ARHGEF28: variants seen among roughly 807,000 people sequenced by gnomAD.
The protein encoded by ARHGEF28 is 190 kDa guanine nucleotide exchange factor.
ARHGEF28 carries 152 observed loss-of-function variants against 206.6 expected under a neutral mutation model. The observed-to-expected ratio is 0.74, with a 90% confidence interval of 0.64 to 0.84. The LOEUF (loss-of-function observed/expected upper bound fraction) is 0.84, where lower values mean the gene tolerates loss of function less well. Ranked by LOEUF, ARHGEF28 falls within the 40% of genes least tolerant of loss-of-function variation. The pLI is 0.00. For synonymous variants in ARHGEF28, 763 were observed against 776.4 expected, an observed-to-expected ratio of 0.98 and a Z score of 0.29; for missense variants, 2,028 against 2,073.2, an observed-to-expected ratio of 0.98 and a Z score of 0.42.
chr5:73,645,174 G>A (rs1744354066), intron 1 of ARHGEF28, among the ~76,000 whole-genome samples: 1 of 151,326 alleles, frequency 6.6e-6, no homozygotes, highest in Non-Finnish European at 1.5e-5. Context: ...TTATTAAGTT[G>A]TTTGTTTGTT....
At chr5:73,869,787 A>G (rs1022036836) in intron 20 of ARHGEF28, among the ~76,000 whole-genome samples, 1 of 152,138 alleles carries the variant, frequency 6.6e-6, no homozygotes, top group South Asian at 2.1e-4. Context: ...ACATGCCTGT[A>G]ATTCTTGCTA....
chr5:73,882,359 ATATT>A lies in ARHGEF28; in HGVS notation c.2815-107_2815-104del, dbSNP rs137981001. 0.014 allele frequency: 10,586 copies of A among 772,814 alleles called. 687 individuals carry two copies. The African/African-American group carries it at 0.16, about 12-fold the overall frequency. 47.9% of individuals were successfully genotyped at this position (772,814 alleles called of 1,614,324 possible). On this transcript the variant is annotated intron_variant, in intron 22 of 35. Coordinates refer to ENST00000513042, the MANE Select transcript of ARHGEF28 (RefSeq NM_001177693.2). ...AGTGATTGTGTTCAGAAATTCCATG[ATATT>A]TATTTTTTATTTGCAAATACTATTT...
Position 73,873,382 on chromosome 5 carries a change from C to T in ARHGEF28, c.2814+136C>T, listed in dbSNP as rs983545481. 2.5e-5 allele frequency: 30 copies of T among 1,211,778 alleles called. No individual in the cohort carries two copies. In the East Asian group the frequency reaches 3.1e-4, roughly 12 times the overall value. The allele number at this position is 1,211,778 out of a possible 1,614,324, so 75.1% of individuals were successfully genotyped here. A position where few individuals can be genotyped will look rare whatever the true frequency, so the allele number is the denominator to read the frequency against. ...GACATTCTGAGGATGTGTTTACCAT[C>T]GTTAGATTGTAACTCCCAGTAAGGC... On this transcript the variant is annotated intron_variant, in intron 22 of 35. Transcript: ENST00000513042.
rs372106317 is a variant in ARHGEF28, at chr5:73,721,012, G to C, written c.34-28825G>C. Among the ~76,000 whole-genome samples, 36 of 152,308 alleles carry C rather than the reference G, an allele frequency of 2.4e-4. No homozygotes were observed. The South Asian group carries it at 6.2e-3, about 26-fold the overall frequency. On this transcript the variant is annotated intron_variant, in intron 2 of 35. Coordinates refer to ENST00000513042, the MANE Select transcript of ARHGEF28 (RefSeq NM_001177693.2). ...TTCAAGCTCATTCCATTCATCATTA[G>C]TTTTAAAATAGAGGTTAGAGAATTT...
intron 1 of ARHGEF28, among the ~76,000 whole-genome samples, chr5:73,658,654 C>T (rs1745382878): frequency 1.3e-5 from 2 of 152,124 alleles, no homozygotes; most frequent in South Asian, 4.1e-4. Flanking sequence ...GAAAGCACCA[C>T]TGTGGTTCTT....
chr5:73,754,863 T>C (rs1752214339), intron 4 of ARHGEF28, among the ~76,000 whole-genome samples: 1 of 150,524 alleles, frequency 6.6e-6, no homozygotes, highest in Non-Finnish European at 1.5e-5. Flanking sequence ...GCCTGGCTAA[T>C]TAAAATTTTT....
chr5:73,728,562 C>T (rs73762181), intron 2 of ARHGEF28, among the ~76,000 whole-genome samples: 2,707 of 152,266 alleles, frequency 0.018, 74 homozygotes, highest in African/African-American at 0.061. Flanking sequence ...TAAGACAAGT[C>T]GAAAGGTTAA....
intron 17 of ARHGEF28, 32 bp downstream of exon 17, chr5:73,864,904 T>G: frequency 6.3e-7 from 1 of 1,590,910 alleles, no homozygotes. Flanking sequence ...AATATATATG[T>G]GGCATGGTTG....
chr5:73,858,519 A>G (rs888744751), intron 16 of ARHGEF28, among the ~76,000 whole-genome samples: 5 of 152,182 alleles, frequency 3.3e-5, no homozygotes, highest in Admixed American at 6.5e-5. Flanking sequence ...CTTTAATGGC[A>G]ACTTGATCAT....
At chr5:73,890,704 G>C (rs1761571401) in intron 26 of ARHGEF28, among the ~76,000 whole-genome samples, 1 of 152,236 alleles carries the variant, frequency 6.6e-6, no homozygotes, top group Non-Finnish European at 1.5e-5. Flanking sequence ...CAGCACCAAG[G>C]AGTCAGCAGT....
intron 32 of ARHGEF28, 33 bp downstream of exon 32, chr5:73,904,293 C>T: frequency 1.2e-6 from 2 of 1,613,306 alleles, no homozygotes; most frequent in South Asian, 1.1e-5. Context: ...AATGTATCAC[C>T]AGCCTTTATT....
At chr5:73,923,131 G>A in intron 35 of ARHGEF28, 2 of 1,535,764 alleles carry the variant, frequency 1.3e-6, no homozygotes, top group South Asian at 2.4e-5. Context: ...ATCTCCCCCG[G>A]GACTGTGGAC....
intron 9 of ARHGEF28, among the ~76,000 whole-genome samples, chr5:73,820,449 C>T (rs77016390): frequency 0.047 from 7,113 of 152,142 alleles, 240 homozygotes; most frequent in African/African-American, 0.085. Flanking sequence ...CTCCTGGGTC[C>T]TCCTAGGTTC....
intron 35 of ARHGEF28, among the ~76,000 whole-genome samples, chr5:73,923,608 T>C (rs1379823945): frequency 6.6e-6 from 1 of 152,232 alleles, no homozygotes; most frequent in African/African-American, 2.4e-5. Flanking sequence ...TTGCCTACTA[T>C]GATAGCCAGT....
intron 35 of ARHGEF28, among the ~76,000 whole-genome samples, chr5:73,916,779 T>C (rs761485739): frequency 2.7e-4 from 41 of 152,184 alleles, no homozygotes; most frequent in South Asian, 4.1e-4. Context: ...GTTTTAGGTG[T>C]CATGAAAGCC....
intron 1 of ARHGEF28, among the ~76,000 whole-genome samples, chr5:73,631,417 G>T (rs1426003639): frequency 1.3e-5 from 2 of 152,140 alleles, no homozygotes; most frequent in East Asian, 1.9e-4. Context: ...AAAGGTAGAG[G>T]ATATTCAGTG....
chr5:73,743,821 A>G (rs1330379577), intron 2 of ARHGEF28, among the ~76,000 whole-genome samples: 1 of 152,270 alleles, frequency 6.6e-6, no homozygotes, highest in Middle Eastern at 3.4e-3. Flanking sequence ...CTATCTGTAG[A>G]TTTCAGGATG....
At chr5:73,866,151 T>G in intron 18 of ARHGEF28, 138 bp downstream of exon 18, 1 of 849,782 alleles carries the variant, frequency 1.2e-6, no homozygotes, top group Non-Finnish European at 1.8e-6. Context: ...GGCATGATTT[T>G]TAGTTCTATA....
At chr5:73,756,693 T>A (rs1199734336) in intron 4 of ARHGEF28, among the ~76,000 whole-genome samples, 1 of 152,212 alleles carries the variant, frequency 6.6e-6, no homozygotes, top group Non-Finnish European at 1.5e-5. Context: ...ACAGATGTAT[T>A]TATCAGTACA....
Sources: allele counts gnomAD v4.1 joint callset (sites outside exome capture counted in the v4.1 genomes callset), GRCh38; gene constraint gnomAD v4.1.1; transcripts MANE v1.5; gene names NCBI Gene and HGNC (gene_info 2026-07-23, HGNC 2026-07-21).